Variants in PCDHGA1 observed in about 807,000 individuals in gnomAD.
PCDHGA1 encodes the protein protocadherin gamma subfamily A, 1.
In PCDHGA1, 32 loss-of-function variants were observed where a neutral mutation model predicts 58.0. The observed-to-expected ratio is 0.55, with a 90% CI of 0.42 to 0.74. The LOEUF is 0.74. PCDHGA1 is among the 30% of genes least tolerant of loss of function. The pLI is 0.00. For synonymous variants in PCDHGA1, 498 were observed against 501.1 expected, an observed-to-expected ratio of 0.99 and a Z score of 0.08; for missense variants, 1,205 against 1,182.3, an observed-to-expected ratio of 1.02 and a Z score of -0.28.
intron 1 of PCDHGA1, chr5:141,441,823 C>T (rs538052540): frequency 3.9e-5 from 14 of 357,336 alleles, no homozygotes; most frequent in Non-Finnish European, 6.6e-5. Context: ...AGCTCTGGAG[C>T]GCAATGGCTT....
intron 1 of PCDHGA1, chr5:141,374,736 G>A (rs1770792620): frequency 1.9e-6 from 3 of 1,611,042 alleles, no homozygotes; most frequent in Non-Finnish European, 1.7e-6. Context: ...ATGGATGGCG[G>A]CGACCCTGTC....
In PCDHGA1 at chr5:141,419,332, C is replaced by T. The variant is rs1356380695; in HGVS notation, c.2422-75475C>T. On this transcript the variant is annotated intron_variant, in intron 1 of 3. Transcript: ENST00000517417. Reference sequence around the variant, plus strand: ...TCAACGGCCGTGTCTCCTACTCTCTCATTGCCAGCGACCTGGAGTCACGAA... The same window carrying T: ...TCAACGGCCGTGTCTCCTACTCTCTTATTGCCAGCGACCTGGAGTCACGAA... 3.7e-6 allele frequency: 6 copies of T among 1,613,832 alleles called. No individual in the cohort carries two copies. The Admixed American group carries it at 8.3e-5, about 22-fold the overall frequency.
chr5:141,340,136 G>GA (rs752785738), intron 1 of PCDHGA1: 1 of 1,614,174 alleles, frequency 6.2e-7, no homozygotes, highest in East Asian at 2.2e-5. Context: ...ACTCCCCGAG[G>GA]ATCTTCCTTT....
chr5:141,430,673 C>A, intron 1 of PCDHGA1: 1 of 1,288,318 alleles, frequency 7.8e-7, no homozygotes, highest in Non-Finnish European at 1.0e-6. Flanking sequence ...TCTGACTTCC[C>A]AACTGTCCCA....
chr5:141,477,059 A>G lies in PCDHGA1; in HGVS notation c.2422-17748A>G. On this transcript the variant is annotated intron_variant, in intron 1 of 3. Coordinates refer to ENST00000517417, the MANE Select transcript of PCDHGA1 (RefSeq NM_018912.3). This position sits in a 1 kb window ranked among gnomAD's most constrained non-coding sequence, Gnocchi z 4.9. ...CAAGGGTCGGCTGGACTTCGAGGAC[A>G]CCAAACTCCATGAGATTTACATCCA... The G allele has an allele frequency of 1.2e-6, 2 of 1,614,238 alleles. No individual in the cohort carries two copies. Among genetic ancestry groups the G allele is most frequent in the Non-Finnish European group, 1.7e-6 (2 of 1,180,036 alleles).
At chr5:141,428,147 G>T (rs771536400) in intron 1 of PCDHGA1, 1 of 1,589,612 alleles carries the variant, frequency 6.3e-7, no homozygotes, top group South Asian at 1.1e-5. Flanking sequence ...GGCTGCACAC[G>T]GGAACCTGCT....
chr5:141,415,227 T>A, intron 1 of PCDHGA1: 2 of 1,614,126 alleles, frequency 1.2e-6, no homozygotes, highest in African/African-American at 2.7e-5. Context: ...GCTTCGAGTC[T>A]CCAGCTAACT....
intron 1 of PCDHGA1, chr5:141,420,939 C>A: frequency 2.6e-6 from 1 of 387,512 alleles, no homozygotes; most frequent in South Asian, 5.2e-5. Context: ...GTAATCATTT[C>A]TTCTGGAATT....
At chr5:141,347,270 C>T (rs1053311179) in intron 1 of PCDHGA1, among the ~76,000 whole-genome samples, 2 of 151,906 alleles carry the variant, frequency 1.3e-5, no homozygotes, top group African/African-American at 4.8e-5. Context: ...CCTCCCACCT[C>T]AGCCTCCCGA....
At chr5:141,405,442 CAG>C in intron 1 of PCDHGA1, 1 of 1,378,150 alleles carries the variant, frequency 7.3e-7, no homozygotes, top group South Asian at 1.3e-5. Context: ...GTTTTTGAGA[CAG>C]AGTCTTACTC....
intron 1 of PCDHGA1, chr5:141,365,630 A>G (rs1486638134): frequency 6.2e-7 from 1 of 1,613,404 alleles, no homozygotes; most frequent in East Asian, 2.2e-5. Context: ...GCCCCTCTCT[A>G]CAGAAAGCCA....
At chr5:141,365,333 G>A in intron 1 of PCDHGA1, 2 of 1,613,942 alleles carry the variant, frequency 1.2e-6, no homozygotes, top group East Asian at 2.2e-5. Flanking sequence ...TAAGGTGGTG[G>A]TCACAGTACA....
intron 1 of PCDHGA1, among the ~76,000 whole-genome samples, chr5:141,338,295 A>G (rs1281882537): frequency 1.3e-5 from 2 of 152,352 alleles, no homozygotes; most frequent in East Asian, 1.9e-4. Flanking sequence ...CATGTACCCA[A>G]TTAAGTGTCT....
chr5:141,490,313 C>G lies in PCDHGA1; in HGVS notation c.2422-4494C>G. The G allele has an allele frequency of 6.2e-7, 1 of 1,614,222 alleles. No individual in the cohort carries two copies. The highest frequency in any genetic ancestry group is 8.5e-7 in the Non-Finnish European group (1 of 1,180,024). Reference sequence around the variant, plus strand: ...GTGCTATTGGCCTCTTTGGCCAACCCTGTCCTAGAGAGCACACCAGTGGGC... The same window carrying G: ...GTGCTATTGGCCTCTTTGGCCAACCGTGTCCTAGAGAGCACACCAGTGGGC... On this transcript the variant is annotated intron_variant, in intron 1 of 3. Transcript: ENST00000517417. The surrounding 1 kb of genome is among the most constrained non-coding windows in gnomAD (Gnocchi z 5.4).
Position 141,384,817 on chromosome 5 carries a change from C to T in PCDHGA1, c.2421+51712C>T, listed in dbSNP as rs373370095. On this transcript the variant is annotated intron_variant, in intron 1 of 3. Coordinates refer to ENST00000517417, the MANE Select transcript of PCDHGA1 (RefSeq NM_018912.3). Reference sequence around the variant, plus strand: ...CCTGCTGGACAGAGATGCCCTCAAGCAGAGCCTCGTGGTGGCCGTCCAGGA... The same window carrying T: ...CCTGCTGGACAGAGATGCCCTCAAGTAGAGCCTCGTGGTGGCCGTCCAGGA... 4.3e-6 allele frequency: 7 copies of T among 1,613,298 alleles called. No homozygotes were observed. In the African/African-American group the frequency reaches 5.3e-5, roughly 12 times the overall value.
intron 1 of PCDHGA1, among the ~76,000 whole-genome samples, chr5:141,462,211 C>T (rs543979258): frequency 2.0e-5 from 3 of 151,998 alleles, no homozygotes; most frequent in South Asian, 2.1e-4. Context: ...CCGCCTGCCT[C>T]GGCCTCCCAA....
intron 1 of PCDHGA1, chr5:141,398,582 T>A: frequency 6.2e-7 from 1 of 1,614,000 alleles, no homozygotes. Context: ...GGCACAAGAT[T>A]TATACTAGAA....
intron 1 of PCDHGA1, chr5:141,404,996 G>C (rs776423830): frequency 6.2e-7 from 1 of 1,613,974 alleles, no homozygotes; most frequent in South Asian, 1.1e-5. Context: ...TCAGATCCCT[G>C]CAGACCTGGA....
At chr5:141,366,517 C>A (rs1764609891) in intron 1 of PCDHGA1, 1 of 1,614,130 alleles carries the variant, frequency 6.2e-7, no homozygotes, top group Admixed American at 1.7e-5. Flanking sequence ...AGGCTGAAGG[C>A]AGCAGGTTGG....
Sources: allele counts gnomAD v4.1 joint callset (sites outside exome capture counted in the v4.1 genomes callset), GRCh38; gene constraint gnomAD v4.1.1; non-coding constraint Gnocchi (gnomAD v3.1); transcripts MANE v1.5; gene names NCBI Gene and HGNC (gene_info 2026-07-23, HGNC 2026-07-21).